Variants in COL18A1 observed in about 807,000 individuals in gnomAD.
The protein encoded by COL18A1 is collagen type XVIII alpha 1 chain.
Under a neutral mutation model 168.0 loss-of-function variants are expected in COL18A1, and 133 were observed. The observed-to-expected ratio is 0.79, with a 90% CI of 0.69 to 0.91. The LOEUF is 0.91. Ranked by LOEUF, COL18A1 falls within the 40% of genes least tolerant of loss-of-function variation. The pLI is 0.00. For synonymous variants in COL18A1, 949 were observed against 809.0 expected, an observed-to-expected ratio of 1.17 and a Z score of -2.94; for missense variants, 2,126 against 1,925.4, an observed-to-expected ratio of 1.10 and a Z score of -1.95.
Position 45,442,822 on chromosome 21 carries a change from C to T in COL18A1, c.107-25420C>T, listed in dbSNP as rs550682707. ...GGTGGTGCTGGTGTGGGCGGAGGTC[C>T]TGGTGTGGGCGGCGGTCCTGGTGTG... On this transcript the variant is annotated intron_variant, in intron 2 of 41. Coordinates refer to ENST00000651438, the MANE Select transcript of COL18A1 (RefSeq NM_001379500.1). 2.3e-3 allele frequency among the ~76,000 whole-genome samples: 316 copies of T among 136,238 alleles called. 4 individuals carry two copies. Among genetic ancestry groups the T allele is most frequent in the Admixed American group, 5.4e-3 (73 of 13,630 alleles). The allele number at this position is 136,238 out of a possible 152,430, so 89.4% of individuals were successfully genotyped here. A position where few individuals can be genotyped will look rare whatever the true frequency, so the allele number is the denominator to read the frequency against.
At chr21:45,496,099 A>G in intron 29 of COL18A1, 1 of 373,888 alleles carries the variant, frequency 2.7e-6, no homozygotes, top group Non-Finnish European at 5.0e-6. Flanking sequence ...TATGCCCTCC[A>G]TGCCCTCCAT....
chr21:45,444,379 G>T (rs978037430), intron 2 of COL18A1, among the ~76,000 whole-genome samples: 3 of 152,170 alleles, frequency 2.0e-5, no homozygotes, highest in Non-Finnish European at 4.4e-5. Flanking sequence ...GGGATGTGCA[G>T]AGTGAATGAA....
chr21:45,511,013 ACACATCCAC>A, intron 40 of COL18A1, 89 bp from the exon 41 acceptor site: 1 of 178,726 alleles, frequency 5.6e-6, no homozygotes, highest in Non-Finnish European at 1.2e-5. Context: ...CCCCCCCCCC[ACACATCCAC>A]ACCCCACATC....
At chr21:45,499,641 AGCAT>A (rs1230054533) in intron 32 of COL18A1, among the ~76,000 whole-genome samples, 2 of 151,940 alleles carry the variant, frequency 1.3e-5, no homozygotes, top group African/African-American at 2.4e-5. Flanking sequence ...CAGGCTGCAC[AGCAT>A]GGTGTCCCAT....
At chr21:45,467,191 C>T (rs1345936175) in intron 2 of COL18A1, 31 of 963,798 alleles carry the variant, frequency 3.2e-5, no homozygotes, top group Middle Eastern at 5.3e-4. Flanking sequence ...GTGGGTGCTG[C>T]CCCCCTCCCG....
Position 45,512,283 on chromosome 21 carries a change from C to A in COL18A1, c.3905C>A (p.Thr1302Lys). The A allele has an allele frequency of 6.2e-7, 1 of 1,612,010 alleles. No homozygotes were observed. Among genetic ancestry groups the A allele is most frequent in the Non-Finnish European group, 8.5e-7 (1 of 1,179,640 alleles). The change falls in exon 42 of 42, where the codon ACG becomes AAG. Residue 1302 changes from threonine to lysine, a missense_variant. Thr to Lys is a moderately conservative substitution (Grantham distance 78). Coordinates refer to ENST00000651438, the MANE Select transcript of COL18A1 (RefSeq NM_001379500.1). ...TGGCGGACGGAGGCTCCCTCGGCCA[C>A]GGGCCAGGCCTCCTCGCTGCTGGGG... Reference protein sequence around the residue: ...ETWRTEAPSATGQASSLLGGR... With the variant: ...ETWRTEAPSAKGQASSLLGGR...
chr21:45,438,822 G>C (rs1165591662), intron 2 of COL18A1, among the ~76,000 whole-genome samples: 2 of 152,232 alleles, frequency 1.3e-5, no homozygotes, highest in Admixed American at 6.5e-5. Flanking sequence ...CTGTGCAGCC[G>C]GAAGGAAGAA....
chr21:45,456,269 G>A lies in COL18A1; in HGVS notation c.107-11973G>A, dbSNP rs534367236. 208 of 1,577,456 alleles carry A rather than the reference G, an allele frequency of 1.3e-4. 1 individual carries two copies. Among genetic ancestry groups the A allele is most frequent in the South Asian group, 8.8e-4 (77 of 87,418 alleles). On this transcript the variant is annotated intron_variant, in intron 2 of 41. Coordinates refer to ENST00000651438, the MANE Select transcript of COL18A1 (RefSeq NM_001379500.1). ...CCAAGGACTCTCGCCCGCCGCAGCC[G>A]CTCCCAGCCAGCAGCTCCAACGCCC...
chr21:45,503,678 C>T (rs1010318632), intron 32 of COL18A1, among the ~76,000 whole-genome samples: 2 of 150,686 alleles, frequency 1.3e-5, no homozygotes, highest in Non-Finnish European at 1.5e-5. Context: ...GGAGATATAC[C>T]TAATGCTAGA....
rs777298172 is a variant in COL18A1 at position 45,476,473 on chromosome 21, G to A, written c.921G>A (p.Ser307=). The A allele has an allele frequency of 1.1e-5, 18 of 1,606,570 alleles. No homozygotes were observed. The highest frequency in any genetic ancestry group is 4.0e-5 in the African/African-American group (3 of 74,754). ...EEVEEQTTVA[S]LGAQTLPGSD... is the part of the protein sequence containing the mutation. ...TCGAGGAGCAGACCACGGTGGCTTC[G>A]TTAGGAGGTAAGCTCTTTTCTGGAT... Residue 307 remains serine (S), a synonymous_variant, in exon 6 of 42, where the codon TCG becomes TCA. Coordinates refer to ENST00000651438, the MANE Select transcript of COL18A1 (RefSeq NM_001379500.1).
intron 3 of COL18A1, among the ~76,000 whole-genome samples, chr21:45,470,129 G>A (rs1392937341): frequency 6.6e-6 from 1 of 152,264 alleles, no homozygotes; most frequent in Non-Finnish European, 1.5e-5. Context: ...GGAGAGCCGG[G>A]CCACCGCCCT....
chr21:45,459,685 A>G (rs1393004166), intron 2 of COL18A1, among the ~76,000 whole-genome samples: 1 of 152,198 alleles, frequency 6.6e-6, no homozygotes, highest in African/African-American at 2.4e-5. Flanking sequence ...CTTGTCCCTC[A>G]GGTCCACGAG....
rs1477599002 is a variant in COL18A1 at position 45,507,379 on chromosome 21, G to C, written c.3217-182G>C. 4.5e-6 allele frequency: 3 copies of C among 664,878 alleles called. No individual in the cohort carries two copies. The African/African-American group carries it at 5.5e-5, about 12-fold the overall frequency. The allele number at this position is 664,878 out of a possible 1,614,324, so 41.2% of individuals were successfully genotyped here. ...ACCCTGCTGTGGACTGGGAGGGCCG[G>C]GTGCTGGGCAGGGAGCGTACCCTGG... On this transcript the variant is annotated intron_variant, in intron 37 of 41. Transcript: ENST00000651438.
intron 2 of COL18A1, among the ~76,000 whole-genome samples, chr21:45,431,196 G>A (rs769975586): frequency 4.7e-4 from 71 of 152,286 alleles, no homozygotes; most frequent in Non-Finnish European, 9.6e-4. Context: ...AAGGGTGGGC[G>A]ACGGACAGAC....
rs751553488 is a variant in COL18A1, at chr21:45,487,469, G to A, written c.1856G>A (p.Gly619Glu). The change falls in exon 17 of 42, where the codon GGG becomes GAG. Residue 619 changes from glycine to glutamate, a missense_variant. By Grantham distance (98) the Gly-to-Glu change is moderately conservative. Coordinates refer to ENST00000651438, the MANE Select transcript of COL18A1 (RefSeq NM_001379500.1). ...AGFDDMEGSG[G>E]PFWSTARSAD... ...CAGGATGACATGGAAGGCTCCGGGGGGCCCTTCTGGTCAACAGCCCGAAGC... is the reference window on the plus strand; with the variant it reads ...CAGGATGACATGGAAGGCTCCGGGGAGCCCTTCTGGTCAACAGCCCGAAGC... 9.9e-6 allele frequency: 16 copies of A among 1,612,994 alleles called. No individual in the cohort carries two copies. Among genetic ancestry groups the A allele is most frequent in the Non-Finnish European group, 1.4e-5 (16 of 1,180,004 alleles).
chr21:45,467,409 G>C, intron 2 of COL18A1: 1 of 983,682 alleles, frequency 1.0e-6, no homozygotes, highest in Non-Finnish European at 1.2e-6. Context: ...GGGAGACTGT[G>C]GCACGTTGGC....
intron 2 of COL18A1, among the ~76,000 whole-genome samples, chr21:45,450,967 G>T (rs759880268): frequency 3.9e-5 from 6 of 152,256 alleles, no homozygotes; most frequent in Non-Finnish European, 7.3e-5. Flanking sequence ...AGGCCAGGTG[G>T]ACGCTTAGGC....
chr21:45,438,564 G>A (rs186717886), intron 2 of COL18A1, among the ~76,000 whole-genome samples: 104 of 152,366 alleles, frequency 6.8e-4, no homozygotes, highest in Non-Finnish European at 1.3e-3. Flanking sequence ...AGGGCTTTGG[G>A]CTACTCTGCA....
chr21:45,494,338 T>C lies in COL18A1; in HGVS notation c.2353-207T>C, dbSNP rs1241764427. On this transcript the variant is annotated intron_variant, in intron 26 of 41. Coordinates refer to ENST00000651438, the MANE Select transcript of COL18A1 (RefSeq NM_001379500.1). ...GCAAACCCCAAACCCGACCCTCCCC[T>C]CACCAGTGGCTCCTGTCCTCCCCAG... 14 of 589,198 alleles carry C rather than the reference T, an allele frequency of 2.4e-5. No homozygotes were observed. The Admixed American group carries it at 3.5e-4, about 15-fold the overall frequency. The allele number at this position is 589,198 out of a possible 1,614,324, so 36.5% of individuals were successfully genotyped here.
Sources: gnomAD v4.1 joint callset for allele counts (sites outside exome capture counted in the v4.1 genomes callset) on GRCh38, gnomAD v4.1.1 for gene constraint, MANE v1.5 for transcripts, NCBI Gene and HGNC (gene_info 2026-07-23, HGNC 2026-07-21) for gene names.